GADL1: variants seen among roughly 807,000 people sequenced by gnomAD.
The protein encoded by GADL1 is acidic amino acid decarboxylase GADL1.
GADL1 carries 71 observed loss-of-function variants against 69.5 expected under a neutral mutation model. That is an observed-to-expected ratio of 1.02 (90% CI 0.84 to 1.25). The LOEUF (loss-of-function observed/expected upper bound fraction) is 1.25. Ranked by LOEUF, GADL1 falls within the 50% of genes most tolerant of loss-of-function variation. The pLI, the probability that GADL1 is intolerant of heterozygous loss-of-function variation, is 0.00. For synonymous variants in GADL1, 254 were observed against 214.4 expected (o/e 1.18, Z -1.62); for missense variants, 737 against 631.8 (o/e 1.17, Z -1.79).
chr3:30,729,863 A>G (rs1695428472), intron 14 of GADL1, among the ~76,000 whole-genome samples: 2 of 152,228 alleles, frequency 1.3e-5, no homozygotes, highest in Non-Finnish European at 2.9e-5. Context: ...CAATAACAAA[A>G]CAAACACCTA....
intron 11 of GADL1, among the ~76,000 whole-genome samples, chr3:30,823,757 A>G (rs1395202820): frequency 6.6e-6 from 1 of 151,994 alleles, no homozygotes; most frequent in Non-Finnish European, 1.5e-5. Context: ...GTTCAAGTAT[A>G]TAAAAGCTAA....
Position 30,840,337 on chromosome 3 carries a change from G to A in GADL1, c.787-1224C>T, listed in dbSNP as rs567004756. Among the ~76,000 whole-genome samples the A allele has an allele frequency of 4.6e-5, 7 of 152,174 alleles. 1 individual carries two copies. Among genetic ancestry groups the A allele is most frequent in the Admixed American group, 3.3e-4 (5 of 15,288 alleles). ...CGCCTCTCTAAACTGAGATGCATAC[G>A]GATCAAAGTGGTGGTATATAACAAA... On this transcript the variant is annotated intron_variant, in intron 8 of 14. Coordinates refer to ENST00000282538, the MANE Select transcript of GADL1 (RefSeq NM_207359.3).
intron 14 of GADL1, 25 bp from the exon 15 acceptor site, chr3:30,728,440 G>C (rs1183795495): frequency 1.9e-6 from 3 of 1,601,086 alleles, no homozygotes; most frequent in Non-Finnish European, 2.6e-6. Flanking sequence ...AAGGGGAGAG[G>C]GGTGAAAGAC....
At chr3:30,826,430 A>C (rs1697682141) in intron 11 of GADL1, among the ~76,000 whole-genome samples, 1 of 150,410 alleles carries the variant, frequency 6.6e-6, no homozygotes, top group Non-Finnish European at 1.5e-5. Flanking sequence ...TGGGAAGGGC[A>C]TTAGAGAGAT....
intron 4 of GADL1, 136 bp downstream of exon 4, chr3:30,854,563 A>T (rs1248086768): frequency 3.5e-6 from 2 of 579,140 alleles, no homozygotes; most frequent in African/African-American, 1.9e-5. Flanking sequence ...ACTGATAAGT[A>T]TCATAAAACT....
chr3:30,824,861 G>A (rs1281492027), intron 11 of GADL1, among the ~76,000 whole-genome samples: 1 of 151,810 alleles, frequency 6.6e-6, no homozygotes, highest in East Asian at 1.9e-4. Context: ...GTGTGAGAAT[G>A]ACCTGTTCAC....
In GADL1 at chr3:30,727,603, T is replaced by C. The variant is rs766809538; in HGVS notation, c.*639A>G. ...TTAAATATTTGTGCTGCAGATGCCA[T>C]AGTTGTATTTTTTCAAAGACTGGCT... On this transcript the variant is annotated 3_prime_UTR_variant, in exon 15 of 15. Coordinates refer to ENST00000282538, the MANE Select transcript of GADL1 (RefSeq NM_207359.3). 6.6e-6 allele frequency: 1 copy of C among 152,154 alleles called. No homozygotes were observed. Among genetic ancestry groups the C allele is most frequent in the African/African-American group, 2.4e-5 (1 of 41,434 alleles). The allele number at this position is 152,154 out of a possible 1,614,324, so 9.4% of individuals were successfully genotyped here.
At chr3:30,786,109 T>C (rs1158920691) in intron 13 of GADL1, among the ~76,000 whole-genome samples, 1 of 152,228 alleles carries the variant, frequency 6.6e-6, no homozygotes, top group East Asian at 1.9e-4. Flanking sequence ...TATTCAATAT[T>C]ATCCTTGGTA....
intron 6 of GADL1, among the ~76,000 whole-genome samples, chr3:30,849,475 ACTGTCT>A (rs1361981722): frequency 6.6e-6 from 1 of 152,110 alleles, no homozygotes; most frequent in Non-Finnish European, 1.5e-5. Context: ...GCGCTTATCT[ACTGTCT>A]GACCCACCTA....
rs1212992817 is a variant in GADL1, at chr3:30,834,209, A to G, written c.968+8T>C. On this transcript the variant is annotated splice_region_variant and intron_variant, in intron 10 of 14. Transcript: ENST00000282538. The stretch of plus-strand genomic sequence containing the variant: ...AAAGTTGGCTGTACACCAGGAAACT[A>G]CATTTACCTGTGGATGCCATGCAGA... 5 of 1,609,680 alleles carry G rather than the reference A, an allele frequency of 3.1e-6. No homozygotes were observed. The highest frequency in any genetic ancestry group is 2.2e-5 in the South Asian group (2 of 90,968).
chr3:30,863,612 G>T (rs1178634514), intron 1 of GADL1, among the ~76,000 whole-genome samples: 6 of 151,626 alleles, frequency 4.0e-5, no homozygotes, highest in Non-Finnish European at 1.5e-5. Context: ...TCATTTAATT[G>T]TTGAAATTGA....
chr3:30,810,681 C>A (rs182999643), intron 11 of GADL1, among the ~76,000 whole-genome samples: 2 of 152,198 alleles, frequency 1.3e-5, no homozygotes, highest in Admixed American at 6.5e-5. Flanking sequence ...GTGCAGTGGG[C>A]AATACTCCCC....
chr3:30,764,999 G>GT (rs1257977398), intron 14 of GADL1, among the ~76,000 whole-genome samples: 1 of 151,884 alleles, frequency 6.6e-6, no homozygotes, highest in African/African-American at 2.4e-5. Flanking sequence ...GTCTGACAAT[G>GT]CAGGTTTAGC....
At chr3:30,779,925 G>A (rs1235975904) in intron 13 of GADL1, among the ~76,000 whole-genome samples, 1 of 152,160 alleles carries the variant, frequency 6.6e-6, no homozygotes, top group East Asian at 1.9e-4. Flanking sequence ...TCCTGGTGTG[G>A]TGTGCTCACT....
chr3:30,846,756 CTGCAGGATGTCCTACGAAGCACCTGCT>C (rs1400039666), intron 6 of GADL1, among the ~76,000 whole-genome samples: 1 of 152,206 alleles, frequency 6.6e-6, no homozygotes, highest in African/African-American at 2.4e-5. Context: ...GCCTCATGCT[CTGCAGGATGTCCTACGAAGCACCTGCT>C]TGCCCGTGGA....
At chr3:30,893,952 C>T (rs1698818520) in intron 1 of GADL1, among the ~76,000 whole-genome samples, 1 of 152,166 alleles carries the variant, frequency 6.6e-6, no homozygotes, top group Non-Finnish European at 1.5e-5. Flanking sequence ...GTGAGAATAC[C>T]TGAATAACAA....
chr3:30,814,610 T>C (rs1450537447), intron 11 of GADL1, among the ~76,000 whole-genome samples: 1 of 152,124 alleles, frequency 6.6e-6, no homozygotes, highest in African/African-American at 2.4e-5. Flanking sequence ...AGGGCCATAA[T>C]TTTTAGACCC....
intron 4 of GADL1, among the ~76,000 whole-genome samples, chr3:30,853,081 G>A (rs1417149264): frequency 6.6e-6 from 1 of 152,044 alleles, no homozygotes; most frequent in East Asian, 1.9e-4. Context: ...GCCACAGCTA[G>A]CCTTTTGTTT....
rs150174846 is a variant in GADL1 at position 30,756,855 on chromosome 3, G to A, written c.1392+21324C>T. On this transcript the variant is annotated intron_variant, in intron 14 of 14. Coordinates refer to ENST00000282538, the MANE Select transcript of GADL1 (RefSeq NM_207359.3). ...CCAGTAGATCCATCCAGATTCATTAGGAAAGATAGGCTTGATTGTGTTTAA... is the reference window on the plus strand; with the variant it reads ...CCAGTAGATCCATCCAGATTCATTAAGAAAGATAGGCTTGATTGTGTTTAA... 7.0e-4 allele frequency among the ~76,000 whole-genome samples: 106 copies of A among 151,450 alleles called. No individual in the cohort carries two copies. The Middle Eastern group carries it at 0.014, about 19-fold the overall frequency.
Sources: allele counts gnomAD v4.1 joint callset (sites outside exome capture counted in the v4.1 genomes callset), GRCh38; gene constraint gnomAD v4.1.1; transcripts MANE v1.5; gene names NCBI Gene and HGNC (gene_info 2026-07-23, HGNC 2026-07-21).